Variants in CREB5 observed in about 807,000 individuals in gnomAD.
CREB5 encodes the protein cAMP responsive element binding protein 5.
In CREB5, 19 loss-of-function variants were observed where a neutral mutation model predicts 57.1. The observed-to-expected ratio is 0.33, with a 90% CI of 0.23 to 0.49. The LOEUF (loss-of-function observed/expected upper bound fraction) is 0.49. Among genes scored for constraint, CREB5 ranks in the 20% least tolerant of loss-of-function variants. The probability of loss-of-function intolerance (pLI) is 0.99; values close to 1 mark genes in which losing one functional copy is unlikely to be tolerated. For synonymous variants in CREB5, 238 were observed against 238.3 expected, an observed-to-expected ratio of 1.00 and a Z score of 0.01; for missense variants, 579 against 671.6, an observed-to-expected ratio of 0.86 and a Z score of 1.52.
chr7:28,521,845 G>A (rs572286119), intron 4 of CREB5, among the ~76,000 whole-genome samples: 6 of 152,302 alleles, frequency 3.9e-5, no homozygotes, highest in South Asian at 2.1e-4. Flanking sequence ...ATAGGATTAC[G>A]TTGAGTTATG....
At position 28,694,571 on chromosome 7, in the gene CREB5, T is replaced by G. The variant is rs1583562775; in HGVS notation, c.465-24182T>G. Among the ~76,000 whole-genome samples, 11 of 152,318 alleles carry G rather than the reference T, an allele frequency of 7.2e-5. No homozygotes were observed. The South Asian group carries it at 2.3e-3, about 32-fold the overall frequency. On this transcript the variant is annotated intron_variant, in intron 5 of 10. Transcript: ENST00000357727. The stretch of plus-strand genomic sequence containing the variant: ...ATAATTCTTTTTTTAAAATTTTTCT[T>G]TAGCGACAGGGTCTCGCTTTGTCAC...
At chr7:28,340,649 T>C (rs1414148538) in intron 1 of CREB5, among the ~76,000 whole-genome samples, 1 of 152,182 alleles carries the variant, frequency 6.6e-6, no homozygotes, top group Non-Finnish European at 1.5e-5. Context: ...GGTATCTCAC[T>C]AAGTCGTGTG....
chr7:28,413,492 A>G (rs1177061162), intron 1 of CREB5, among the ~76,000 whole-genome samples: 1 of 152,100 alleles, frequency 6.6e-6, no homozygotes, highest in Non-Finnish European at 1.5e-5. Flanking sequence ...AGCATTTTAT[A>G]TGGATCTCTT....
intron 7 of CREB5, among the ~76,000 whole-genome samples, chr7:28,770,636 G>T (rs1216578623): frequency 1.3e-5 from 2 of 152,218 alleles, no homozygotes; most frequent in African/African-American, 4.8e-5. Flanking sequence ...CAATGATCAT[G>T]CTATGAATTG....
chr7:28,567,634 C>A (rs160351), intron 4 of CREB5, among the ~76,000 whole-genome samples: 85 of 152,296 alleles, frequency 5.6e-4, no homozygotes, highest in African/African-American at 2.0e-3. Context: ...CCCATCACTT[C>A]GGTGAGTGTG....
rs191909126 is a variant in CREB5, at chr7:28,444,575, C to T, written c.3+31658C>T. On this transcript the variant is annotated intron_variant, in intron 1 of 10. Coordinates refer to ENST00000357727, the MANE Select transcript of CREB5 (RefSeq NM_182898.4). ...AGGGGAAAGACTCTTCCACTGGCCTCTCCACCAGAGGAGAAGCTGTGTTTT... is the reference window on the plus strand; with the variant it reads ...AGGGGAAAGACTCTTCCACTGGCCTTTCCACCAGAGGAGAAGCTGTGTTTT... 3.6e-3 allele frequency among the ~76,000 whole-genome samples: 552 copies of T among 152,268 alleles called. 2 individuals carry two copies. Among genetic ancestry groups the T allele is most frequent in the Non-Finnish European group, 6.1e-3 (414 of 68,020 alleles).
Position 28,644,240 on chromosome 7 carries a change from G to A in CREB5, c.464+73703G>A, listed in dbSNP as rs974548240. Among the ~76,000 whole-genome samples, 22 of 152,280 alleles carry A rather than the reference G, an allele frequency of 1.4e-4. No homozygotes were observed. The East Asian group carries it at 1.9e-3, about 13-fold the overall frequency. On this transcript the variant is annotated intron_variant, in intron 5 of 10. Coordinates refer to ENST00000357727, the MANE Select transcript of CREB5 (RefSeq NM_182898.4). ...TCCTGTAATGTAGCTGAGTGTCTTGGGACAAGCAGACCTGGTGATGCCTGT... is the reference window on the plus strand; with the variant it reads ...TCCTGTAATGTAGCTGAGTGTCTTGAGACAAGCAGACCTGGTGATGCCTGT...
At chr7:28,517,607 C>T (rs1333801911) in intron 4 of CREB5, among the ~76,000 whole-genome samples, 8 of 152,144 alleles carry the variant, frequency 5.3e-5, no homozygotes, top group Admixed American at 2.6e-4. Flanking sequence ...CTTTTTGGAA[C>T]TAGTTGTTCT....
chr7:28,654,853 G>A (rs574352470), intron 5 of CREB5, among the ~76,000 whole-genome samples: 2 of 152,256 alleles, frequency 1.3e-5, no homozygotes, highest in Admixed American at 1.3e-4. Context: ...AGACCCCCGT[G>A]ACCTTTGGAG....
intron 4 of CREB5, among the ~76,000 whole-genome samples, chr7:28,565,626 A>G (rs1795442747): frequency 6.6e-6 from 1 of 152,208 alleles, no homozygotes; most frequent in Non-Finnish European, 1.5e-5. Context: ...TCATGATTAC[A>G]TTTTTGAAAT....
At chr7:28,455,173 T>C (rs1158301635) in intron 1 of CREB5, among the ~76,000 whole-genome samples, 1 of 152,206 alleles carries the variant, frequency 6.6e-6, no homozygotes. Context: ...TTAAAAATCA[T>C]TCACTTATCA....
In CREB5 at chr7:28,366,569, A is replaced by G. The variant is rs369275319; in HGVS notation, c.-25+67128A>G. Among the ~76,000 whole-genome samples the G allele has an allele frequency of 2.1e-4, 32 of 152,360 alleles. No homozygotes were observed. The South Asian group carries it at 6.6e-3, about 32-fold the overall frequency. ...ATAGAAACTTGATCATAGAAGTGCT[A>G]TCCAATTCTTTGAATTCCTTTTGAG... is the stretch of plus-strand genomic sequence containing the variant. On this transcript the variant is annotated intron_variant, in intron 1 of 9. Coordinates refer to the CREB5 transcript ENST00000396299.
intron 5 of CREB5, among the ~76,000 whole-genome samples, chr7:28,684,961 T>C (rs1288193061): frequency 6.6e-6 from 1 of 151,742 alleles, no homozygotes. Context: ...AGTGGGGAGG[T>C]GTGAAGTGAG....
chr7:28,376,018 A>G (rs571335723), intron 1 of CREB5, among the ~76,000 whole-genome samples: 1 of 152,336 alleles, frequency 6.6e-6, no homozygotes, highest in African/African-American at 2.4e-5. Flanking sequence ...TCCAGAGGCC[A>G]TCTTGTCTCC....
intron 1 of CREB5, among the ~76,000 whole-genome samples, chr7:28,310,241 A>T (rs1322422914): frequency 6.6e-6 from 1 of 152,168 alleles, no homozygotes; most frequent in Non-Finnish European, 1.5e-5. Flanking sequence ...ATTTCATGCA[A>T]ACTTTTACTC....
Position 28,820,731 on chromosome 7 carries a change from G to A in CREB5, c.*1452G>A, listed in dbSNP as rs1176158571. On this transcript the variant is annotated 3_prime_UTR_variant, in exon 11 of 11. Coordinates refer to ENST00000357727, the MANE Select transcript of CREB5 (RefSeq NM_182898.4). ...CTATCCTTCCACCTCCGCCTCCTGA[G>A]TAGCTGGGACCACAGGTTCACATAA... The A allele has an allele frequency of 6.6e-6, 1 of 152,162 alleles. No individual in the cohort carries two copies. Among genetic ancestry groups the A allele is most frequent in the Non-Finnish European group, 1.5e-5 (1 of 68,042 alleles). 9.4% of individuals were successfully genotyped at this position (152,162 alleles called of 1,614,324 possible).
chr7:28,753,952 CT>C (rs1347824847), intron 7 of CREB5, among the ~76,000 whole-genome samples: 1 of 151,136 alleles, frequency 6.6e-6, no homozygotes, highest in African/African-American at 2.4e-5. Context: ...TTATATTATT[CT>C]TTTCAAGGTT....
At position 28,821,126 on chromosome 7, in the gene CREB5, A is replaced by ATG. The variant is rs35688232; in HGVS notation, c.*1879_*1880dup. ...CTCCATTTGAATGCTTGACCTCTTA[A>ATG]TGTGTGTGTGTGTGTGTGTGTGTGT... On this transcript the variant is annotated 3_prime_UTR_variant, in exon 11 of 11. Transcript: ENST00000357727. The ATG allele has an allele frequency of 0.21, 30,540 of 145,978 alleles. 3,728 individuals are homozygous for ATG. The highest frequency in any genetic ancestry group is 0.36 in the African/African-American group (14,375 of 39,384). 9.0% of individuals were successfully genotyped at this position (145,978 alleles called of 1,614,324 possible).
intron 7 of CREB5, chr7:28,778,812 C>T (rs1806807835): frequency 6.6e-6 from 1 of 152,288 alleles, no homozygotes; most frequent in South Asian, 2.1e-4. Context: ...AAAATGGTGA[C>T]TACTCCTCCC....
Sources: allele counts gnomAD v4.1 joint callset (sites outside exome capture counted in the v4.1 genomes callset), GRCh38; gene constraint gnomAD v4.1.1; transcripts MANE v1.5; gene names NCBI Gene and HGNC (gene_info 2026-07-23, HGNC 2026-07-21).